The following FAM135B variants were observed in gnomAD, a reference collection of about 807,000 sequenced individuals.
FAM135B encodes the protein family with sequence similarity 135 member B.
In FAM135B, 43 loss-of-function variants were observed where a neutral mutation model predicts 127.7. That is an observed-to-expected ratio of 0.34 (90% CI 0.26 to 0.43). The LOEUF is 0.43. FAM135B is among the 20% of genes least tolerant of loss of function. The pLI, the probability that FAM135B is intolerant of heterozygous loss-of-function variation, is 1.00. For missense variants in FAM135B, 1,558 were observed against 1,725.6 expected, an observed-to-expected ratio of 0.90 and a Z score of 1.72; for synonymous variants, 670 against 665.1, an observed-to-expected ratio of 1.01 and a Z score of -0.11.
At position 138,151,499 on chromosome 8, in the gene FAM135B, G is replaced by A. The variant is rs751949889; in HGVS notation, c.2976C>T (p.Ser992=). The A allele has an allele frequency of 3.2e-5, 52 of 1,614,236 alleles. 1 individual carries two copies. The South Asian group carries it at 3.7e-4, about 12-fold the overall frequency. The change falls in exon 13 of 20, where the codon TCC becomes TCT. Residue 992 remains serine, a synonymous_variant. Coordinates refer to ENST00000395297, the MANE Select transcript of FAM135B (RefSeq NM_015912.4). ...AGTVCPTVTH[S]VHSQVLKNQE... ...GGTTTTTCAAAACCTGGGAATGAAC[G>A]GAATGGGTCACAGTGGGGCACACAG...
At chr8:138,181,701 T>C (rs76246630) in intron 9 of FAM135B, among the ~76,000 whole-genome samples, 81,206 of 151,606 alleles carry the variant, frequency 0.54, 22,215 homozygotes, top group East Asian at 0.81. Flanking sequence ...TGTTTCTTTT[T>C]TTTTTCTCTA....
At chr8:138,485,057 A>G (rs1457189164) in intron 1 of FAM135B, among the ~76,000 whole-genome samples, 2 of 152,252 alleles carry the variant, frequency 1.3e-5, no homozygotes, top group Non-Finnish European at 2.9e-5. Context: ...TGTGTGCTCC[A>G]GAAATTAATT....
chr8:138,382,926 G>T (rs745636937), intron 1 of FAM135B, among the ~76,000 whole-genome samples: 42 of 152,272 alleles, frequency 2.8e-4, no homozygotes, highest in Non-Finnish European at 5.0e-4. Flanking sequence ...TGATGGAGAG[G>T]AAACCTAGAG....
intron 1 of FAM135B, among the ~76,000 whole-genome samples, chr8:138,423,304 T>C (rs1834632482): frequency 1.3e-5 from 2 of 152,208 alleles, no homozygotes; most frequent in African/African-American, 4.8e-5. Flanking sequence ...TGCTTTCTAC[T>C]TAGGGAGATA....
chr8:138,409,830 G>A (rs6577919), intron 1 of FAM135B, among the ~76,000 whole-genome samples: 57,046 of 146,162 alleles, frequency 0.39, 11,561 homozygotes, highest in African/African-American at 0.52. Context: ...AACCGAGATC[G>A]CGCCATTGCA....
intron 9 of FAM135B, among the ~76,000 whole-genome samples, chr8:138,182,060 G>A (rs973722915): frequency 1.3e-5 from 2 of 152,152 alleles, no homozygotes; most frequent in Non-Finnish European, 2.9e-5. Context: ...CGGCCTCCTT[G>A]TTCCCTCACT....
chr8:138,482,943 C>T (rs1217910133), intron 1 of FAM135B, among the ~76,000 whole-genome samples: 1 of 152,124 alleles, frequency 6.6e-6, no homozygotes, highest in African/African-American at 2.4e-5. Flanking sequence ...CATCCATCTA[C>T]CCAAGAATTC....
rs763785331 is a variant in FAM135B at position 138,265,688 on chromosome 8, A to G, written c.297+15T>C. 6.2e-7 allele frequency: 1 copy of G among 1,613,782 alleles called. No homozygotes were observed. Among genetic ancestry groups the G allele is most frequent in the African/African-American group, 1.3e-5 (1 of 75,036 alleles). The stretch of plus-strand genomic sequence containing the variant: ...GGAACAGCTACTTGTGGCTGGTGGT[A>G]GATTCATGACTTACCCTTTCACCAC... On this transcript the variant is annotated intron_variant, in intron 4 of 19. Transcript: ENST00000395297.
At chr8:138,339,700 C>T (rs1412600546) in intron 2 of FAM135B, among the ~76,000 whole-genome samples, 1 of 152,172 alleles carries the variant, frequency 6.6e-6, no homozygotes, top group African/African-American at 2.4e-5. Flanking sequence ...TGCAGCATCA[C>T]AGAGTTAAAG....
chr8:138,488,640 T>C (rs1483762298), intron 1 of FAM135B, among the ~76,000 whole-genome samples: 1 of 151,874 alleles, frequency 6.6e-6, no homozygotes, highest in African/African-American at 2.4e-5. Context: ...TTTTGTTTGT[T>C]TTTTTGTGTG....
At chr8:138,167,329 G>A (rs146853060) in intron 12 of FAM135B, among the ~76,000 whole-genome samples, 5,622 of 152,176 alleles carry the variant, frequency 0.037, 316 homozygotes, top group African/African-American at 0.12. Flanking sequence ...CCAAGTAGCT[G>A]GGATTACAGG....
Position 138,279,918 on chromosome 8 carries a change from T to C in FAM135B, c.158-14076A>G, listed in dbSNP as rs1288634533. On this transcript the variant is annotated intron_variant, in intron 3 of 19. Coordinates refer to ENST00000395297, the MANE Select transcript of FAM135B (RefSeq NM_015912.4). ...AGTTGCCAAATGAGCACTTGAGTGT[T>C]AGTCTGGGGAACTTGCTTATCCCCA... Among the ~76,000 whole-genome samples the C allele has an allele frequency of 2.0e-5, 3 of 152,234 alleles. No individual in the cohort carries two copies. In the East Asian group the frequency reaches 5.8e-4, roughly 29 times the overall value.
intron 2 of FAM135B, among the ~76,000 whole-genome samples, chr8:138,349,834 C>T (rs1432644995): frequency 6.6e-6 from 1 of 152,144 alleles, no homozygotes; most frequent in Non-Finnish European, 1.5e-5. Context: ...CTGCAGTGAG[C>T]CAGATTCAGG....
chr8:138,352,934 C>T (rs2131130102), intron 2 of FAM135B, among the ~76,000 whole-genome samples: 1 of 152,202 alleles, frequency 6.6e-6, no homozygotes, highest in Non-Finnish European at 1.5e-5. Context: ...TCATCAATAG[C>T]CAGCTAACAT....
intron 7 of FAM135B, among the ~76,000 whole-genome samples, chr8:138,204,803 T>C (rs1256624202): frequency 6.6e-6 from 1 of 152,240 alleles, no homozygotes; most frequent in Non-Finnish European, 1.5e-5. Context: ...CTTTTCAACA[T>C]GATTCAAACA....
rs373037651 is a variant in FAM135B at position 138,494,849 on chromosome 8, A to AAAAAAAAAAAC, written c.-20+1821_-20+1822insGTTTTTTTTTT. Among the ~76,000 whole-genome samples, 457 of 150,054 alleles carry AAAAAAAAAAAC rather than the reference A, an allele frequency of 3.0e-3. 5 individuals carry two copies. Among genetic ancestry groups the AAAAAAAAAAAC allele is most frequent in the African/African-American group, 0.01 (411 of 40,124 alleles). ...CTGTTTATACTGTAAAAAAAAAAAA[A>AAAAAAAAAAAC]AAACTTAATCCACCCATTGTGAGCA... On this transcript the variant is annotated intron_variant, in intron 1 of 19. Coordinates refer to ENST00000395297, the MANE Select transcript of FAM135B (RefSeq NM_015912.4).
At chr8:138,329,729 G>A (rs1420600303) in intron 2 of FAM135B, among the ~76,000 whole-genome samples, 1 of 152,144 alleles carries the variant, frequency 6.6e-6, no homozygotes, top group Non-Finnish European at 1.5e-5. Context: ...GAGGGTTCAC[G>A]AAGCAGTAGG....
chr8:138,201,073 C>T (rs1371700802), intron 7 of FAM135B, among the ~76,000 whole-genome samples: 7 of 152,208 alleles, frequency 4.6e-5, no homozygotes, highest in Non-Finnish European at 8.8e-5. Context: ...TCAAGTCCTG[C>T]AGTGTCTCTG....
intron 3 of FAM135B, among the ~76,000 whole-genome samples, chr8:138,301,552 T>C (rs1825888647): frequency 6.6e-6 from 1 of 152,166 alleles, no homozygotes; most frequent in Admixed American, 6.5e-5. Flanking sequence ...CTCCGAGCTC[T>C]GTCTTCAGAT....
Sources: gnomAD v4.1 joint callset for allele counts (sites outside exome capture counted in the v4.1 genomes callset) on GRCh38, gnomAD v4.1.1 for gene constraint, MANE v1.5 for transcripts, NCBI Gene and HGNC (gene_info 2026-07-23, HGNC 2026-07-21) for gene names.